The following C16orf95 variants were observed in gnomAD, a reference collection of about 807,000 sequenced individuals.
The protein encoded by C16orf95 is uncharacterized protein C16orf95.
Under a neutral mutation model 32.1 loss-of-function variants are expected in C16orf95, and 41 were observed. That is an observed-to-expected ratio of 1.28 (90% CI 1.00 to 1.66). The LOEUF is 1.66. C16orf95 is among the 40% of genes most tolerant of loss of function. C16orf95 has a pLI of 0.00. For synonymous variants in C16orf95, 147 were observed against 128.9 expected, an observed-to-expected ratio of 1.14 and a Z score of -0.95; for missense variants, 399 against 325.9, an observed-to-expected ratio of 1.22 and a Z score of -1.73.
At chr16:87,304,753 CAG>C (rs894373800) in intron 6 of C16orf95, among the ~76,000 whole-genome samples, 1 of 152,188 alleles carries the variant, frequency 6.6e-6, no homozygotes, top group Non-Finnish European at 1.5e-5. Flanking sequence ...ACCCAAAAAA[CAG>C]GGGAGAGCCT....
chr16:87,313,402 C>A (rs1597347009), intron 3 of C16orf95, among the ~76,000 whole-genome samples: 1 of 152,076 alleles, frequency 6.6e-6, no homozygotes, highest in Non-Finnish European at 1.5e-5. Context: ...CTTGTATGGC[C>A]ATAAAGGAAT....
Position 87,305,625 on chromosome 16 carries a change from C to G in C16orf95, c.701+94G>C, listed in dbSNP as rs945039474. The G allele has an allele frequency of 4.3e-6, 5 of 1,164,814 alleles. No homozygotes were observed. The East Asian group carries it at 8.6e-5, about 20-fold the overall frequency. 72.2% of individuals were successfully genotyped at this position (1,164,814 alleles called of 1,614,324 possible). On this transcript the variant is annotated intron_variant, in intron 6 of 6. Transcript: ENST00000567970. The surrounding 1 kb of genome is among the most constrained non-coding windows in gnomAD (Gnocchi z 4.2). The stretch of plus-strand genomic sequence containing the variant: ...GCCTGTCAAGTTAAGCCCCACCCCC[C>G]ACTCTTCCACATCCCTGATGGCCAC...
intron 6 of C16orf95, among the ~76,000 whole-genome samples, chr16:87,304,217 C>A (rs1377359403): frequency 6.6e-6 from 1 of 152,022 alleles, no homozygotes; most frequent in African/African-American, 2.4e-5. Flanking sequence ...ACTATGTTGC[C>A]CAAGCTGGTC....
chr16:87,310,126 T>G (rs35019540), intron 5 of C16orf95, among the ~76,000 whole-genome samples, 171 bp downstream of exon 5: 2 of 151,924 alleles, frequency 1.3e-5, no homozygotes, highest in Admixed American at 6.6e-5. Context: ...GGGAAGGCAG[T>G]GGGTGACCAG....
rs1911217492 is a variant in C16orf95, at chr16:87,310,197, G to A, written c.514+100C>T. 9 of 1,173,412 alleles carry A rather than the reference G, an allele frequency of 7.7e-6. No individual in the cohort carries two copies. In the South Asian group the frequency reaches 9.1e-5, roughly 12 times the overall value. 72.7% of individuals were successfully genotyped at this position (1,173,412 alleles called of 1,614,324 possible). A position where few individuals can be genotyped will look rare whatever the true frequency, so the allele number is the denominator to read the frequency against. On this transcript the variant is annotated intron_variant, in intron 5 of 6. Coordinates refer to ENST00000567970, the MANE Select transcript of C16orf95 (RefSeq NM_001195124.3). ...CATGTCACTGTCACACTGTGGGCAG[G>A]TGTCTGGTGATGAGAGGTCTGCCCC...
At chr16:87,308,012 T>C (rs1257093682) in intron 5 of C16orf95, among the ~76,000 whole-genome samples, 1 of 152,164 alleles carries the variant, frequency 6.6e-6, no homozygotes, top group Non-Finnish European at 1.5e-5. Flanking sequence ...ATCAGGACTG[T>C]AATTTGGCTG....
intron 4 of C16orf95, among the ~76,000 whole-genome samples, chr16:87,310,846 G>T (rs781422621): frequency 6.6e-6 from 1 of 152,158 alleles, no homozygotes; most frequent in Non-Finnish European, 1.5e-5. Context: ...GGGAGGAAGA[G>T]AGGGAGGAAA....
intron 5 of C16orf95, among the ~76,000 whole-genome samples, chr16:87,309,985 A>C (rs533871805): frequency 5.9e-5 from 9 of 152,210 alleles, no homozygotes; most frequent in Non-Finnish European, 1.2e-4. Flanking sequence ...AAATTATAGA[A>C]GATTAGAGCT....
chr16:87,312,764 G>A (rs776833321), intron 3 of C16orf95, among the ~76,000 whole-genome samples: 2 of 151,980 alleles, frequency 1.3e-5, no homozygotes, highest in Non-Finnish European at 2.9e-5. Context: ...ATTTGCAGAT[G>A]ACACAATCAT....
rs1045440085 is a variant in C16orf95, at chr16:87,305,033, TGAG to T, written c.701+683_701+685del. ...GGCAGGAAGGAGCTGCACTGGGCAA[TGAG>T]GAGGAGGAGGAGAGGAGAGAGGCTT... is the stretch of plus-strand genomic sequence containing the variant. On this transcript the variant is annotated intron_variant, in intron 6 of 6. Transcript: ENST00000567970. The surrounding 1 kb of genome is among the most constrained non-coding windows in gnomAD (Gnocchi z 4.2). 2.0e-5 allele frequency among the ~76,000 whole-genome samples: 3 copies of T among 151,790 alleles called. No homozygotes were observed. Among genetic ancestry groups the T allele is most frequent in the African/African-American group, 7.2e-5 (3 of 41,394 alleles).
chr16:87,304,775 G>A (rs1482205256), intron 6 of C16orf95, among the ~76,000 whole-genome samples: 5 of 152,212 alleles, frequency 3.3e-5, no homozygotes, highest in South Asian at 4.1e-4. Flanking sequence ...TCCCGCTCCC[G>A]CTCCCAGCCG....
intron 3 of C16orf95, 62 bp from the exon 4 acceptor site, chr16:87,311,358 A>G: frequency 2.1e-6 from 3 of 1,410,422 alleles, no homozygotes; most frequent in African/African-American, 1.4e-5. Context: ...GTCCCCAATG[A>G]CTCCCTGATG....
intron 1 of C16orf95, 89 bp from the exon 2 acceptor site, chr16:87,315,912 C>G (rs575795847): frequency 1.1e-6 from 1 of 950,260 alleles, no homozygotes; most frequent in South Asian, 2.0e-5. Context: ...CTTCTCAGAA[C>G]TGACTCTTAA....
chr16:87,302,876 A>G lies in C16orf95; in HGVS notation c.*181T>C, dbSNP rs1910826074. On this transcript the variant is annotated 3_prime_UTR_variant, in exon 7 of 7. Transcript: ENST00000567970. ...ATAACAGAAACTCACCCACATTCAC[A>G]TGAACTTTGCTACAACCAAGAATCA... The G allele has an allele frequency of 3.0e-6, 2 of 657,332 alleles. No individual in the cohort carries two copies. Among genetic ancestry groups the G allele is most frequent in the East Asian group, 2.8e-5 (1 of 36,140 alleles). 40.7% of individuals were successfully genotyped at this position (657,332 alleles called of 1,614,324 possible).
chr16:87,308,572 T>C (rs1911131553), intron 5 of C16orf95, among the ~76,000 whole-genome samples: 1 of 152,142 alleles, frequency 6.6e-6, no homozygotes, highest in Admixed American at 6.5e-5. Context: ...GCAAAATGCC[T>C]TGAGCATCCC....
At chr16:87,310,268 G>A in intron 5 of C16orf95, 29 bp downstream of exon 5, 2 of 1,535,260 alleles carry the variant, frequency 1.3e-6, no homozygotes, top group African/African-American at 1.4e-5. Context: ...GGAGGGGGAT[G>A]ATATGAGACA....
intron 1 of C16orf95, among the ~76,000 whole-genome samples, 160 bp downstream of exon 1, chr16:87,316,931 G>A (rs551697972): frequency 2.3e-3 from 346 of 152,334 alleles, no homozygotes; most frequent in Non-Finnish European, 2.8e-3. Context: ...TTTCAGTTAT[G>A]TGGAACCATC....
At chr16:87,303,277 G>A in intron 6 of C16orf95, 2 of 577,326 alleles carry the variant, frequency 3.5e-6, no homozygotes, top group Non-Finnish European at 6.2e-6. Flanking sequence ...CCAGCCGCAG[G>A]ACTGGGGTGA....
rs1910968212 is a variant in C16orf95 at position 87,305,395 on chromosome 16, A to G, written c.701+324T>C. ...CTGTTAAGATGCACCGTCAACCCCAACATAACAATGAAAATTTATGGAAAC... is the reference window on the plus strand; with the variant it reads ...CTGTTAAGATGCACCGTCAACCCCAGCATAACAATGAAAATTTATGGAAAC... On this transcript the variant is annotated intron_variant, in intron 6 of 6. Coordinates refer to ENST00000567970, the MANE Select transcript of C16orf95 (RefSeq NM_001195124.3). This position sits in a 1 kb window ranked among gnomAD's most constrained non-coding sequence, Gnocchi z 4.2. Among the ~76,000 whole-genome samples, 1 of 151,752 alleles carries G rather than the reference A, an allele frequency of 6.6e-6. No individual in the cohort carries two copies. The highest frequency in any genetic ancestry group is 2.4e-5 in the African/African-American group (1 of 41,324).
Sources: allele counts gnomAD v4.1 joint callset (sites outside exome capture counted in the v4.1 genomes callset), GRCh38; gene constraint gnomAD v4.1.1; non-coding constraint Gnocchi (gnomAD v3.1); transcripts MANE v1.5; gene names NCBI Gene and HGNC (gene_info 2026-07-23, HGNC 2026-07-21).